TAF4: variants seen among roughly 807,000 people sequenced by gnomAD.
TAF4 encodes the protein TATA-box binding protein associated factor 4, also known as transcription initiation factor TFIID subunit 4.
Under a neutral mutation model 90.3 loss-of-function variants are expected in TAF4, and 9 were observed. The ratio of observed to expected loss-of-function variants is 0.10; its 90% CI spans 0.06 to 0.17. TAF4 has a LOEUF of 0.17. TAF4 is among the 10% of genes least tolerant of loss of function. The pLI, the probability that TAF4 is intolerant of heterozygous loss-of-function variation, is 1.00. For missense variants in TAF4, 1,351 were observed against 1,370.7 expected (o/e 0.99, Z 0.23); for synonymous variants, 818 against 638.9 (o/e 1.28, Z -4.23).
intron 12 of TAF4, 97 bp from the exon 13 acceptor site, chr20:61,998,289 G>A: frequency 7.8e-7 from 1 of 1,275,522 alleles, no homozygotes; most frequent in East Asian, 2.6e-5. Flanking sequence ...ATAACATCTA[G>A]GTAATGTTAA....
In TAF4 at chr20:62,065,374, A is replaced by ACGG. The variant is rs1204301175; in HGVS notation, c.434_436dup (p.Ala145dup). 114 of 921,404 alleles carry ACGG rather than the reference A, an allele frequency of 1.2e-4. No homozygotes were observed. The highest frequency in any genetic ancestry group is 1.3e-4 in the Non-Finnish European group (102 of 786,240). 57.1% of individuals were successfully genotyped at this position (921,404 alleles called of 1,614,324 possible). A position where few individuals can be genotyped will look rare whatever the true frequency, so the allele number is the denominator to read the frequency against. On this transcript the variant is annotated inframe_insertion, in exon 1 of 15. Coordinates refer to ENST00000252996, the MANE Select transcript of TAF4 (RefSeq NM_003185.4). Reference sequence around the variant, plus strand: ...GGGGGCGGGCTCGGGCCCCGCGGCGACGGCGGCGGCGGCGGGCACCGGGGC... The same window carrying ACGG: ...GGGGGCGGGCTCGGGCCCCGCGGCGACGGCGGCGGCGGCGGCGGGCACCGGGGC...
intron 1 of TAF4, among the ~76,000 whole-genome samples, chr20:62,059,271 G>GGA (rs756924724): frequency 1.3e-5 from 2 of 152,208 alleles, no homozygotes; most frequent in Non-Finnish European, 2.9e-5. Flanking sequence ...TTCTCAAATG[G>GGA]GAGAGGGGCC....
intron 6 of TAF4, 53 bp downstream of exon 6, chr20:62,007,494 C>T: frequency 6.4e-7 from 1 of 1,561,950 alleles, no homozygotes; most frequent in South Asian, 1.1e-5. Flanking sequence ...TGCATCTGCG[C>T]CCCACCCCTC....
At chr20:62,029,596 G>C (rs989390049) in intron 1 of TAF4, among the ~76,000 whole-genome samples, 13 of 152,186 alleles carry the variant, frequency 8.5e-5, no homozygotes, top group African/African-American at 3.1e-4. Context: ...GCCTCCAGGA[G>C]CTGACAGTCT....
At chr20:62,000,051 G>A (rs781121723) in intron 11 of TAF4, 73 bp downstream of exon 11, 121 of 1,606,318 alleles carry the variant, frequency 7.5e-5, no homozygotes, top group Middle Eastern at 1.7e-4. Context: ...TCGGTGTGGG[G>A]AGGAGGCTCC....
At chr20:62,007,035 C>G (rs373768862) in intron 6 of TAF4, 1 of 358,468 alleles carries the variant, frequency 2.8e-6, no homozygotes, top group East Asian at 4.3e-5. Flanking sequence ...ATGTTAACAT[C>G]ACTGGAAGAG....
chr20:62,012,766 C>A, intron 3 of TAF4, 49 bp downstream of exon 3: 1 of 1,545,972 alleles, frequency 6.5e-7, no homozygotes, highest in East Asian at 2.3e-5. Flanking sequence ...AAAGAAATCA[C>A]ACTTCGTGGC....
In TAF4 at chr20:62,017,507, C is replaced by T. The variant is rs183238512; in HGVS notation, c.1361-2800G>A. ...CAAAAAAAAAAAAAAATTAGCCAGG[C>T]ATGGTGGCGGGCCCCTGTAGTCCCA... is the stretch of plus-strand genomic sequence containing the variant. On this transcript the variant is annotated intron_variant, in intron 1 of 14. Coordinates refer to ENST00000252996, the MANE Select transcript of TAF4 (RefSeq NM_003185.4). 6.2e-3 allele frequency among the ~76,000 whole-genome samples: 934 copies of T among 151,602 alleles called. 3 individuals carry two copies. The highest frequency in any genetic ancestry group is 8.4e-3 in the Non-Finnish European group (571 of 67,912).
At chr20:62,021,769 CAT>C (rs1250503421) in intron 1 of TAF4, among the ~76,000 whole-genome samples, 1 of 151,598 alleles carries the variant, frequency 6.6e-6, no homozygotes, top group African/African-American at 2.4e-5. Flanking sequence ...TCAAAACAGG[CAT>C]ATGATTAAAG....
chr20:62,012,951 G>C lies in TAF4; in HGVS notation c.1522-17C>G. On this transcript the variant is annotated splice_polypyrimidine_tract_variant and intron_variant, in intron 2 of 14. Coordinates refer to ENST00000252996, the MANE Select transcript of TAF4 (RefSeq NM_003185.4). ...TCCAGGTGCCTGAAAAATAAGCAGA[G>C]TCACCTAAAACGAGCGCAAGTAAAA... 6.2e-7 allele frequency: 1 copy of C among 1,612,096 alleles called. No individual in the cohort carries two copies. The highest frequency in any genetic ancestry group is 8.5e-7 in the Non-Finnish European group (1 of 1,179,464).
At position 61,985,966 on chromosome 20, in the gene TAF4, AAGC is replaced by A. The variant is rs1269661235; in HGVS notation, c.3091-9634_3091-9632del. Among the ~76,000 whole-genome samples the A allele has an allele frequency of 5.6e-4, 85 of 150,852 alleles. 4 individuals are homozygous for A. Among genetic ancestry groups the A allele is most frequent in the Non-Finnish European group, 8.7e-4 (59 of 67,672 alleles). On this transcript the variant is annotated intron_variant, in intron 14 of 14. Coordinates refer to ENST00000252996, the MANE Select transcript of TAF4 (RefSeq NM_003185.4). ...AGGAACCACCATCCCCGACCAAAGG[AAGC>A]ACCATCCCCAATCAAAGGAAATACC...
intron 12 of TAF4, among the ~76,000 whole-genome samples, 170 bp from the exon 13 acceptor site, chr20:61,998,362 T>C (rs1395729725): frequency 6.6e-6 from 1 of 152,192 alleles, no homozygotes; most frequent in Admixed American, 6.5e-5. Context: ...TCACACACCA[T>C]GAAAAAAGCC....
chr20:61,981,418 A>G (rs1173415552), intron 14 of TAF4: 1 of 152,354 alleles, frequency 6.6e-6, no homozygotes, highest in African/African-American at 2.4e-5. Context: ...AGAACCTCAA[A>G]AACTAGGAGA....
chr20:62,021,893 T>C (rs1301004916), intron 1 of TAF4, among the ~76,000 whole-genome samples: 7 of 151,752 alleles, frequency 4.6e-5, no homozygotes, highest in East Asian at 1.9e-4. Flanking sequence ...AGAGAGGCAC[T>C]GTGTGCAGTG....
Position 62,012,843 on chromosome 20 carries a change from G to C in TAF4, c.1613C>G (p.Ala538Gly). The C allele has an allele frequency of 6.2e-7, 1 of 1,613,978 alleles. No individual in the cohort carries two copies. Among genetic ancestry groups the C allele is most frequent in the Non-Finnish European group, 8.5e-7 (1 of 1,179,990 alleles). ...SQAQTTVQPS[A>G]TLQRSPGVQP... ...GACGCCGGGCGAGCGCTGCAGGGTTGCACTGGGCTGCACCGTTGTCTGGGC... is the reference window on the plus strand; with the variant it reads ...GACGCCGGGCGAGCGCTGCAGGGTTCCACTGGGCTGCACCGTTGTCTGGGC... The change falls in exon 3 of 15, where the codon GCA becomes GGA. Residue 538 changes from alanine (A) to glycine (G), a missense_variant. Ala to Gly is a moderately conservative substitution (Grantham distance 60). This residue lies in a region of TAF4 where 143 missense variants were observed against 176.3 expected (regional missense o/e 0.81). Coordinates refer to ENST00000252996, the MANE Select transcript of TAF4 (RefSeq NM_003185.4).
At chr20:62,016,375 T>C (rs1307868283) in intron 1 of TAF4, among the ~76,000 whole-genome samples, 2 of 152,226 alleles carry the variant, frequency 1.3e-5, no homozygotes, top group African/African-American at 4.8e-5. Flanking sequence ...CCAGCGTCAA[T>C]GTGGCTGGGC....
At chr20:62,059,639 A>T (rs1338712587) in intron 1 of TAF4, among the ~76,000 whole-genome samples, 1 of 152,232 alleles carries the variant, frequency 6.6e-6, no homozygotes, top group Non-Finnish European at 1.5e-5. Flanking sequence ...TTGCTATCAA[A>T]GGCCTGATTA....
At chr20:61,978,021 C>CACCAACCAAGGGAGGGCACGAG (rs1568918816) in intron 14 of TAF4, among the ~76,000 whole-genome samples, 57 of 151,844 alleles carry the variant, frequency 3.8e-4, no homozygotes, top group African/African-American at 1.3e-3. Context: ...CAAGTGTCAG[C>CACCAACCAAGGGAGGGCACGAG]ACCAACCAAG....
At chr20:62,020,175 C>G (rs2055834659) in intron 1 of TAF4, among the ~76,000 whole-genome samples, 1 of 152,246 alleles carries the variant, frequency 6.6e-6, no homozygotes, top group African/African-American at 2.4e-5. Flanking sequence ...GGCACCAGCC[C>G]CAGCCCCAGC....
Sources: gnomAD v4.1 joint callset for allele counts (sites outside exome capture counted in the v4.1 genomes callset) on GRCh38, gnomAD v4.1.1 for gene constraint, gnomAD v4.1.1 regional missense constraint, MANE v1.5 for transcripts, NCBI Gene and HGNC (gene_info 2026-07-23, HGNC 2026-07-21) for gene names.